GRID2: variants seen among roughly 807,000 people sequenced by gnomAD.
The protein encoded by GRID2 is glutamate ionotropic receptor delta type subunit 2.
A neutral mutation model predicts 114.8 loss-of-function variants in GRID2; 33 were observed. That is an observed-to-expected ratio of 0.29 (90% CI 0.22 to 0.38). The LOEUF is 0.38. Among genes scored for constraint, GRID2 ranks in the 10% least tolerant of loss-of-function variants. The pLI is 1.00. For synonymous variants in GRID2, 505 were observed against 449.9 expected, an observed-to-expected ratio of 1.12 and a Z score of -1.55; for missense variants, 1,184 against 1,257.7, an observed-to-expected ratio of 0.94 and a Z score of 0.89.
intron 8 of GRID2, among the ~76,000 whole-genome samples, chr4:93,250,553 C>A (rs1176745104): frequency 4.8e-5 from 7 of 146,178 alleles, no homozygotes; most frequent in Non-Finnish European, 3.0e-5. Context: ...TTCTTCTTGA[C>A]AAAAAAAAAG....
intron 1 of GRID2, among the ~76,000 whole-genome samples, chr4:92,361,507 G>T (rs1023114548): frequency 1.3e-5 from 2 of 151,864 alleles, no homozygotes; most frequent in African/African-American, 4.8e-5. Context: ...ACCTTGTATT[G>T]CTGTATCTAG....
intron 2 of GRID2, among the ~76,000 whole-genome samples, chr4:92,723,262 G>A (rs1735898392): frequency 6.6e-6 from 1 of 152,066 alleles, no homozygotes; most frequent in Non-Finnish European, 1.5e-5. Flanking sequence ...TTGTCTTAAA[G>A]TAGTGCTGAT....
At chr4:92,397,834 T>C (rs1447718269) in intron 1 of GRID2, among the ~76,000 whole-genome samples, 1 of 152,176 alleles carries the variant, frequency 6.6e-6, no homozygotes, top group African/African-American at 2.4e-5. Flanking sequence ...TGGAAACGAT[T>C]TTATTTCTTC....
At chr4:92,942,800 A>C (rs1651631137) in intron 2 of GRID2, among the ~76,000 whole-genome samples, 1 of 152,146 alleles carries the variant, frequency 6.6e-6, no homozygotes, top group African/African-American at 2.4e-5. Flanking sequence ...GCTTGTCTGT[A>C]AAGGATTTTA....
intron 4 of GRID2, among the ~76,000 whole-genome samples, chr4:93,143,755 T>C (rs1290699825): frequency 6.6e-6 from 1 of 152,220 alleles, no homozygotes; most frequent in African/African-American, 2.4e-5. Flanking sequence ...TGACCTACCT[T>C]GACTGCTCTA....
At chr4:93,158,545 C>T (rs1313606712) in intron 4 of GRID2, among the ~76,000 whole-genome samples, 1 of 136,418 alleles carries the variant, frequency 7.3e-6, no homozygotes. Context: ...GCAGAAAAGT[C>T]ATTTCCATAT....
intron 8 of GRID2, among the ~76,000 whole-genome samples, chr4:93,287,490 A>T (rs72874908): frequency 0.05 from 7,638 of 152,078 alleles, 641 homozygotes; most frequent in African/African-American, 0.17. Flanking sequence ...TATTATCATA[A>T]CTCTAGTAGT....
chr4:93,418,118 T>A (rs1425403339), intron 9 of GRID2, among the ~76,000 whole-genome samples: 2 of 151,712 alleles, frequency 1.3e-5, no homozygotes, highest in Middle Eastern at 3.2e-3. Context: ...GGTTGTAAAT[T>A]TATATATCGA....
At chr4:92,401,523 G>A (rs1025357012) in intron 1 of GRID2, among the ~76,000 whole-genome samples, 1 of 151,970 alleles carries the variant, frequency 6.6e-6, no homozygotes, top group African/African-American at 2.4e-5. Flanking sequence ...TATCAAAAAA[G>A]CAAATATAAT....
At chr4:92,673,570 G>T (rs1733180306) in intron 2 of GRID2, among the ~76,000 whole-genome samples, 1 of 152,002 alleles carries the variant, frequency 6.6e-6, no homozygotes, top group Non-Finnish European at 1.5e-5. Flanking sequence ...GAAATATTCT[G>T]TTTTTTTAGG....
At chr4:93,595,148 T>A (rs1738943546) in intron 13 of GRID2, among the ~76,000 whole-genome samples, 1 of 152,208 alleles carries the variant, frequency 6.6e-6, no homozygotes, top group African/African-American at 2.4e-5. Flanking sequence ...GGCCTCTATC[T>A]TGTAGGATCC....
chr4:93,586,738 T>A (rs1308014064), intron 13 of GRID2, among the ~76,000 whole-genome samples: 1 of 152,140 alleles, frequency 6.6e-6, no homozygotes, highest in Non-Finnish European at 1.5e-5. Flanking sequence ...TCTGTTCCAC[T>A]GGACCTGTTG....
At position 92,602,794 on chromosome 4, in the gene GRID2, T is replaced by C. The variant is rs1436820257; in HGVS notation, c.244+12508T>C. On this transcript the variant is annotated intron_variant, in intron 2 of 15. Coordinates refer to ENST00000282020, the MANE Select transcript of GRID2 (RefSeq NM_001510.4). ...TGTTTGTAGATGACATGATCTTCTA[T>C]CTAGAAAACCCCATCGTCTTAGTCC... 2.6e-5 allele frequency among the ~76,000 whole-genome samples: 4 copies of C among 152,308 alleles called. No individual in the cohort carries two copies. In the East Asian group the frequency reaches 7.7e-4, roughly 29 times the overall value.
intron 2 of GRID2, among the ~76,000 whole-genome samples, chr4:93,044,786 G>A (rs1725969876): frequency 6.6e-6 from 1 of 152,110 alleles, no homozygotes; most frequent in Non-Finnish European, 1.5e-5. Context: ...TGGCAACCTT[G>A]TGTATGCTTC....
intron 1 of GRID2, among the ~76,000 whole-genome samples, chr4:92,361,029 G>A (rs190243708): frequency 5.6e-4 from 85 of 151,936 alleles, no homozygotes; most frequent in African/African-American, 1.9e-3. Context: ...ACTGAGTTTT[G>A]TAATTATTTT....
At chr4:93,123,080 G>A (rs79162799) in intron 4 of GRID2, among the ~76,000 whole-genome samples, 319 of 151,948 alleles carry the variant, frequency 2.1e-3, no homozygotes, top group African/African-American at 7.3e-3. Flanking sequence ...AGCAAAGAAC[G>A]GGTTTCCAAT....
chr4:93,120,380 T>C (rs1030709190), intron 4 of GRID2, among the ~76,000 whole-genome samples: 1 of 152,056 alleles, frequency 6.6e-6, no homozygotes, highest in Admixed American at 6.5e-5. Context: ...ATAAAGAAAG[T>C]GTGGCACATA....
intron 4 of GRID2, among the ~76,000 whole-genome samples, chr4:93,178,629 C>T (rs1044453517): frequency 1.3e-5 from 2 of 151,760 alleles, no homozygotes; most frequent in African/African-American, 2.4e-5. Flanking sequence ...CTCAAGTGAT[C>T]CTCCTGCCTC....
At chr4:92,401,028 T>C in intron 1 of GRID2, among the ~76,000 whole-genome samples, 1 of 152,158 alleles carries the variant, frequency 6.6e-6, no homozygotes, top group Admixed American at 6.6e-5. Context: ...CTTTCTCCCA[T>C]TCTGTGGGCT....
Sources: allele counts gnomAD v4.1 joint callset (sites outside exome capture counted in the v4.1 genomes callset), GRCh38; gene constraint gnomAD v4.1.1; transcripts MANE v1.5; gene names NCBI Gene and HGNC (gene_info 2026-07-23, HGNC 2026-07-21).